The following SOBP variants were observed in gnomAD, a reference collection of about 807,000 sequenced individuals.
SOBP encodes sine oculis-binding protein homolog.
Under a neutral mutation model 53.6 loss-of-function variants are expected in SOBP, and 4 were observed. The ratio of observed to expected loss-of-function variants is 0.07; its 90% CI spans 0.04 to 0.17. SOBP has a LOEUF of 0.17. Among genes scored for constraint, SOBP ranks in the 10% least tolerant of loss-of-function variants. SOBP has a pLI of 1.00. For synonymous variants in SOBP, 584 were observed against 522.6 expected (o/e 1.12, Z -1.60); for missense variants, 1,088 against 1,204.7 (o/e 0.90, Z 1.43).
intron 4 of SOBP, among the ~76,000 whole-genome samples, chr6:107,543,829 G>C (rs941977955): frequency 3.9e-5 from 6 of 152,186 alleles, no homozygotes; most frequent in Non-Finnish European, 7.4e-5. Flanking sequence ...CTTCTACCCA[G>C]CACCAGCTGT....
At chr6:107,511,070 G>C (rs1783156608) in intron 3 of SOBP, among the ~76,000 whole-genome samples, 1 of 152,072 alleles carries the variant, frequency 6.6e-6, no homozygotes, top group Non-Finnish European at 1.5e-5. Flanking sequence ...CTGGGAAATA[G>C]CATATTAGAT....
intron 5 of SOBP, chr6:107,621,065 A>G: frequency 2.1e-6 from 1 of 465,548 alleles, no homozygotes; most frequent in Non-Finnish European, 2.8e-6. Context: ...AAAATAAGGT[A>G]TGTTATCTGG....
intron 5 of SOBP, among the ~76,000 whole-genome samples, chr6:107,623,433 G>C (rs1770307612): frequency 6.6e-6 from 1 of 152,074 alleles, no homozygotes; most frequent in African/African-American, 2.4e-5. Flanking sequence ...AATTTTATTT[G>C]GTTTCCATTG....
At chr6:107,588,508 CTT>C (rs980871108) in intron 5 of SOBP, among the ~76,000 whole-genome samples, 1 of 152,176 alleles carries the variant, frequency 6.6e-6, no homozygotes, top group African/African-American at 2.4e-5. Context: ...TGAGGAAACT[CTT>C]TTTGTTCATT....
At chr6:107,532,484 A>G (rs1453575071) in intron 3 of SOBP, among the ~76,000 whole-genome samples, 2 of 152,060 alleles carry the variant, frequency 1.3e-5, no homozygotes, top group African/African-American at 2.4e-5. Flanking sequence ...CACCTGCACT[A>G]TGACTTACTG....
chr6:107,550,690 A>G lies in SOBP; in HGVS notation c.573+17080A>G, dbSNP rs1335887033. ...GTGAGCACATGCTAATTTAGAGACC[A>G]AAATATAGATTCAGGAAATGGGATG... On this transcript the variant is annotated intron_variant, in intron 4 of 6. Transcript: ENST00000317357. 1.3e-5 allele frequency among the ~76,000 whole-genome samples: 2 copies of G among 152,190 alleles called. 1 individual carries two copies. The highest frequency in any genetic ancestry group is 1.3e-4 in the Admixed American group (2 of 15,282).
At chr6:107,654,221 G>A (rs767963705) in intron 6 of SOBP, among the ~76,000 whole-genome samples, 1 of 152,238 alleles carries the variant, frequency 6.6e-6, no homozygotes, top group African/African-American at 2.4e-5. Flanking sequence ...CAGCGTGTGT[G>A]TATGGTACAT....
chr6:107,597,624 A>G (rs1785994972), intron 5 of SOBP, among the ~76,000 whole-genome samples: 1 of 152,236 alleles, frequency 6.6e-6, no homozygotes, highest in East Asian at 1.9e-4. Flanking sequence ...ATATGAATGC[A>G]TAAAAATAAA....
chr6:107,566,304 G>A (rs1053816026), intron 4 of SOBP, among the ~76,000 whole-genome samples: 1 of 152,226 alleles, frequency 6.6e-6, no homozygotes, highest in Non-Finnish European at 1.5e-5. Context: ...GTGAGTCGTG[G>A]ATGAGATACT....
intron 4 of SOBP, among the ~76,000 whole-genome samples, chr6:107,565,498 G>A (rs552749369): frequency 3.4e-4 from 52 of 151,712 alleles, no homozygotes; most frequent in Non-Finnish European, 6.6e-4. Flanking sequence ...GGTGTGTGGC[G>A]GCTGGGGAGG....
chr6:107,503,843 T>C, intron 2 of SOBP, 48 bp downstream of exon 2: 1 of 1,608,156 alleles, frequency 6.2e-7, no homozygotes, highest in Non-Finnish European at 8.5e-7. Context: ...GGATTAACTA[T>C]CTCAACCTGC....
chr6:107,521,494 C>G (rs1436408460), intron 3 of SOBP, among the ~76,000 whole-genome samples: 2 of 152,118 alleles, frequency 1.3e-5, no homozygotes, highest in African/African-American at 4.8e-5. Flanking sequence ...AAATCCAGGT[C>G]TCATATGCAG....
intron 1 of SOBP, among the ~76,000 whole-genome samples, 170 bp downstream of exon 1, chr6:107,490,882 T>G (rs1005203734): frequency 3.9e-5 from 6 of 151,916 alleles, no homozygotes; most frequent in Admixed American, 1.3e-4. Flanking sequence ...ACTCGAGGGC[T>G]GCATCCCCGA....
At chr6:107,533,756 C>A in intron 4 of SOBP, 146 bp downstream of exon 4, 2 of 1,025,484 alleles carry the variant, frequency 2.0e-6, no homozygotes, top group Non-Finnish European at 2.8e-6. Flanking sequence ...CCTTTTGTGT[C>A]ATGCTTAACC....
chr6:107,553,529 T>C (rs113608688), intron 4 of SOBP, among the ~76,000 whole-genome samples: 2 of 151,250 alleles, frequency 1.3e-5, no homozygotes, highest in Admixed American at 6.6e-5. Flanking sequence ...TCTCCCTCTG[T>C]CGCCCAGGCT....
At chr6:107,569,444 A>G (rs913075348) in intron 4 of SOBP, among the ~76,000 whole-genome samples, 3 of 152,208 alleles carry the variant, frequency 2.0e-5, no homozygotes, top group African/African-American at 7.2e-5. Context: ...ACCTGAAACC[A>G]CAGGATAAAG....
At chr6:107,582,595 A>C (rs1221138543) in intron 4 of SOBP, among the ~76,000 whole-genome samples, 1 of 152,196 alleles carries the variant, frequency 6.6e-6, no homozygotes, top group African/African-American at 2.4e-5. Context: ...ATAGGTCAAA[A>C]ATGCACCTTT....
rs896733373 is a variant in SOBP, at chr6:107,578,302, G to T, written c.574-8778G>T. On this transcript the variant is annotated intron_variant, in intron 4 of 6. Transcript: ENST00000317357. ...ACACTCTCTTTTCCTAATTTTCTTGGTATATTCAATCTTGGAGTGCTAAAA... is the reference window on the plus strand; with the variant it reads ...ACACTCTCTTTTCCTAATTTTCTTGTTATATTCAATCTTGGAGTGCTAAAA... Among the ~76,000 whole-genome samples the T allele has an allele frequency of 3.3e-5, 5 of 150,970 alleles. 1 individual carries two copies. The South Asian group carries it at 1.0e-3, about 32-fold the overall frequency.
chr6:107,500,860 T>G (rs2114941085), intron 1 of SOBP, among the ~76,000 whole-genome samples: 1 of 152,308 alleles, frequency 6.6e-6, no homozygotes, highest in African/African-American at 2.4e-5. Context: ...TGGAGTCCTT[T>G]GGCTTCTTCA....
Sources: gnomAD v4.1 joint callset for allele counts (sites outside exome capture counted in the v4.1 genomes callset) on GRCh38, gnomAD v4.1.1 for gene constraint, MANE v1.5 for transcripts, NCBI Gene and HGNC (gene_info 2026-07-23, HGNC 2026-07-21) for gene names.